Variants in UNC5D observed in about 807,000 individuals in gnomAD.
UNC5D encodes the protein unc-5 netrin receptor D.
In UNC5D, 39 loss-of-function variants were observed where a neutral mutation model predicts 105.4. The ratio of observed to expected loss-of-function variants is 0.37; its 90% CI spans 0.29 to 0.48. The LOEUF is 0.48. UNC5D is among the 20% of genes least tolerant of loss of function. The probability of loss-of-function intolerance (pLI) is 0.98; values close to 1 mark genes in which losing one functional copy is unlikely to be tolerated. For synonymous variants in UNC5D, 452 were observed against 450.4 expected, an observed-to-expected ratio of 1.00 and a Z score of -0.04; for missense variants, 991 against 1,202.4, an observed-to-expected ratio of 0.82 and a Z score of 2.60.
chr8:35,578,990 C>A (rs1293338232), intron 3 of UNC5D, among the ~76,000 whole-genome samples: 2 of 152,146 alleles, frequency 1.3e-5, no homozygotes, highest in African/African-American at 2.4e-5. Flanking sequence ...TTCAGTCTGC[C>A]ATTCTTATGG....
At chr8:35,541,045 G>A (rs376470815) in intron 1 of UNC5D, among the ~76,000 whole-genome samples, 2 of 152,144 alleles carry the variant, frequency 1.3e-5, no homozygotes, top group African/African-American at 4.8e-5. Flanking sequence ...GAAAGGAGAG[G>A]TGTTAGAATT....
intron 1 of UNC5D, among the ~76,000 whole-genome samples, chr8:35,386,749 A>C (rs2128936912): frequency 6.6e-6 from 1 of 152,364 alleles, no homozygotes; most frequent in South Asian, 2.1e-4. Context: ...TTTCCACATT[A>C]AATTTAAACA....
intron 3 of UNC5D, among the ~76,000 whole-genome samples, chr8:35,573,276 A>G (rs1817872073): frequency 6.6e-6 from 1 of 152,158 alleles, no homozygotes; most frequent in African/African-American, 2.4e-5. Context: ...GTGATGTTTC[A>G]AAAGGCAAAA....
chr8:35,461,196 C>T (rs551198832), intron 1 of UNC5D, among the ~76,000 whole-genome samples: 11 of 152,206 alleles, frequency 7.2e-5, no homozygotes, highest in South Asian at 2.1e-4. Flanking sequence ...TTCCCAGGAA[C>T]GGTGATGGGT....
At chr8:35,637,059 A>G (rs1389227071) in intron 4 of UNC5D, among the ~76,000 whole-genome samples, 1 of 152,204 alleles carries the variant, frequency 6.6e-6, no homozygotes, top group Non-Finnish European at 1.5e-5. Flanking sequence ...GAACTTCCTT[A>G]TGATCATGCC....
chr8:35,459,802 T>C (rs999028853), intron 1 of UNC5D, among the ~76,000 whole-genome samples: 5 of 152,228 alleles, frequency 3.3e-5, no homozygotes, highest in Admixed American at 6.5e-5. Flanking sequence ...ATGAGCCTTG[T>C]GTTTTGATTT....
chr8:35,726,419 G>A lies in UNC5D; in HGVS notation c.1571G>A (p.Arg524Lys). The A allele has an allele frequency of 6.2e-7, 1 of 1,614,140 alleles. No individual in the cohort carries two copies. Among genetic ancestry groups the A allele is most frequent in the South Asian group, 1.1e-5 (1 of 91,086 alleles). ...CACAGCTTTAGTACAATGCATCCCA[G>A]AAATAAAATGCCCTACATCCAAAAT... ...NNHSFSTMHP[R>K]NKMPYIQNLS... The change falls in exon 10 of 17, where the codon AGA becomes AAA. Residue 524 changes from arginine (R) to lysine (K), a missense_variant. Coordinates refer to ENST00000404895, the MANE Select transcript of UNC5D (RefSeq NM_080872.4).
At chr8:35,598,977 T>C (rs1819655305) in intron 4 of UNC5D, among the ~76,000 whole-genome samples, 2 of 151,796 alleles carry the variant, frequency 1.3e-5, no homozygotes, top group African/African-American at 2.4e-5. Flanking sequence ...ACCCCATTTC[T>C]ACTAAAAACA....
intron 1 of UNC5D, among the ~76,000 whole-genome samples, chr8:35,280,334 T>A (rs1210855401): frequency 6.6e-6 from 1 of 152,236 alleles, no homozygotes; most frequent in Non-Finnish European, 1.5e-5. Flanking sequence ...CTCTGCAAAA[T>A]ACCTGTGATG....
intron 16 of UNC5D, among the ~76,000 whole-genome samples, chr8:35,790,156 T>C: frequency 6.6e-6 from 1 of 152,098 alleles, no homozygotes; most frequent in East Asian, 1.9e-4. Flanking sequence ...GGAGATAAGG[T>C]TATTGGTAAC....
At chr8:35,244,887 G>A (rs1025273085) in intron 1 of UNC5D, among the ~76,000 whole-genome samples, 5 of 151,606 alleles carry the variant, frequency 3.3e-5, no homozygotes, top group Admixed American at 2.6e-4. Flanking sequence ...GTGGTTGTTC[G>A]TGCCTGTAGT....
intron 1 of UNC5D, among the ~76,000 whole-genome samples, chr8:35,368,536 A>T (rs1802260912): frequency 6.6e-6 from 1 of 151,348 alleles, no homozygotes; most frequent in South Asian, 2.1e-4. Context: ...AAATTTTACT[A>T]TTACCTAAGA....
At chr8:35,639,213 G>A (rs1822560051) in intron 4 of UNC5D, among the ~76,000 whole-genome samples, 2 of 152,198 alleles carry the variant, frequency 1.3e-5, no homozygotes, top group East Asian at 1.9e-4. Context: ...AGCACAAGAG[G>A]GTGGGTAGCC....
chr8:35,499,788 C>T (rs1003021902), intron 1 of UNC5D, among the ~76,000 whole-genome samples: 2 of 152,132 alleles, frequency 1.3e-5, no homozygotes, highest in Non-Finnish European at 2.9e-5. Context: ...CAGTTAATGC[C>T]TTCTATTGCT....
intron 1 of UNC5D, among the ~76,000 whole-genome samples, chr8:35,527,364 C>T (rs566830757): frequency 6.6e-5 from 10 of 152,162 alleles, no homozygotes; most frequent in East Asian, 1.9e-4. Flanking sequence ...TTCTGTAGAC[C>T]GAGTGGCTTA....
chr8:35,618,907 C>T (rs1223998568), intron 4 of UNC5D, among the ~76,000 whole-genome samples: 1 of 152,166 alleles, frequency 6.6e-6, no homozygotes, highest in Non-Finnish European at 1.5e-5. Flanking sequence ...CTCCCTGCCC[C>T]TCCACACCCC....
chr8:35,281,782 G>A (rs1174166437), intron 1 of UNC5D, among the ~76,000 whole-genome samples: 1 of 152,178 alleles, frequency 6.6e-6, no homozygotes, highest in Non-Finnish European at 1.5e-5. Flanking sequence ...ATCCTGCCAT[G>A]CCTTTGATAC....
intron 1 of UNC5D, among the ~76,000 whole-genome samples, chr8:35,333,781 G>A (rs937933623): frequency 2.0e-5 from 3 of 152,286 alleles, no homozygotes; most frequent in South Asian, 2.1e-4. Context: ...CACCAGGCCA[G>A]TGTTTGTTTT....
intron 4 of UNC5D, among the ~76,000 whole-genome samples, chr8:35,669,732 G>C (rs1010693738): frequency 6.6e-6 from 1 of 151,994 alleles, no homozygotes; most frequent in Non-Finnish European, 1.5e-5. Flanking sequence ...AATGTTTTCA[G>C]TGAATCTCTA....
Sources: allele counts gnomAD v4.1 joint callset (sites outside exome capture counted in the v4.1 genomes callset), GRCh38; gene constraint gnomAD v4.1.1; transcripts MANE v1.5; gene names NCBI Gene and HGNC (gene_info 2026-07-23, HGNC 2026-07-21).